ESRRG: variants seen among roughly 807,000 people sequenced by gnomAD.
ESRRG encodes the protein estrogen related receptor gamma.
Under a neutral mutation model 44.0 loss-of-function variants are expected in ESRRG, and 13 were observed. That is an observed-to-expected ratio of 0.30 (90% CI 0.19 to 0.47). The LOEUF (loss-of-function observed/expected upper bound fraction) is 0.47. Ranked by LOEUF, ESRRG falls within the 20% of genes least tolerant of loss-of-function variation. The pLI, the probability that ESRRG is intolerant of heterozygous loss-of-function variation, is 1.00. For synonymous variants in ESRRG, 215 were observed against 214.6 expected, an observed-to-expected ratio of 1.00 and a Z score of -0.02; for missense variants, 395 against 580.6, an observed-to-expected ratio of 0.68 and a Z score of 3.29.
At chr1:216,615,702 C>T (rs986219483) in intron 3 of ESRRG, among the ~76,000 whole-genome samples, 1 of 151,760 alleles carries the variant, frequency 6.6e-6, no homozygotes, top group East Asian at 2.0e-4. Context: ...GAAATACTGT[C>T]CATAAGACCA....
At chr1:216,754,251 C>G (rs183402593) in intron 2 of ESRRG, among the ~76,000 whole-genome samples, 1,889 of 152,094 alleles carry the variant, frequency 0.012, 20 homozygotes, top group Middle Eastern at 0.02. Context: ...GGGTCTAAAC[C>G]CTGGGGAATC....
At chr1:216,689,096 T>C (rs1015672942) in intron 1 of ESRRG, among the ~76,000 whole-genome samples, 1 of 152,204 alleles carries the variant, frequency 6.6e-6, no homozygotes, top group Non-Finnish European at 1.5e-5. Flanking sequence ...TCTGCAGAAC[T>C]ATAAAATTAG....
chr1:216,980,068 G>A (rs368758764), intron 1 of ESRRG, among the ~76,000 whole-genome samples: 25 of 151,964 alleles, frequency 1.6e-4, no homozygotes, highest in Non-Finnish European at 3.1e-4. Context: ...CAATTAAAAC[G>A]CTCACTTTCC....
At chr1:216,586,641 A>T (rs980658031) in intron 3 of ESRRG, among the ~76,000 whole-genome samples, 1 of 142,104 alleles carries the variant, frequency 7.0e-6, no homozygotes, top group Non-Finnish European at 1.5e-5. Flanking sequence ...CAGTGGCACC[A>T]TCTCGGCTTA....
chr1:217,032,277 C>T (rs939078118), intron 1 of ESRRG, among the ~76,000 whole-genome samples: 1 of 152,152 alleles, frequency 6.6e-6, no homozygotes, highest in Non-Finnish European at 1.5e-5. Context: ...CCATTCAGTT[C>T]TTTCATTTTA....
intron 2 of ESRRG, among the ~76,000 whole-genome samples, chr1:216,830,608 G>A (rs2095472671): frequency 2.0e-5 from 3 of 152,230 alleles, no homozygotes; most frequent in Admixed American, 2.0e-4. Context: ...CAGGTTGTAA[G>A]ATGCAGGATC....
At chr1:217,065,973 T>C (rs1558172478) in intron 1 of ESRRG, among the ~76,000 whole-genome samples, 1 of 152,172 alleles carries the variant, frequency 6.6e-6, no homozygotes, top group Non-Finnish European at 1.5e-5. Flanking sequence ...TATTCCTACA[T>C]ACTCCAAGAC....
intron 3 of ESRRG, among the ~76,000 whole-genome samples, chr1:216,648,958 A>G (rs951136023): frequency 1.3e-5 from 2 of 152,148 alleles, no homozygotes; most frequent in Non-Finnish European, 2.9e-5. Context: ...TTGACTGTCA[A>G]TCACTGATCA....
At chr1:216,638,025 A>G (rs1405205447) in intron 3 of ESRRG, among the ~76,000 whole-genome samples, 1 of 152,200 alleles carries the variant, frequency 6.6e-6, no homozygotes, top group Non-Finnish European at 1.5e-5. Context: ...AAAAAAAGTC[A>G]TATTTTATTG....
At chr1:216,811,538 G>T (rs1038872279) in intron 2 of ESRRG, among the ~76,000 whole-genome samples, 1 of 152,106 alleles carries the variant, frequency 6.6e-6, no homozygotes, top group African/African-American at 2.4e-5. Flanking sequence ...TGAAGAAGAC[G>T]GATGACAATC....
chr1:217,077,650 T>C (rs1216476304), intron 1 of ESRRG, among the ~76,000 whole-genome samples: 1 of 152,174 alleles, frequency 6.6e-6, no homozygotes, highest in Non-Finnish European at 1.5e-5. Flanking sequence ...CAGACAGCAC[T>C]GGGTAGGATT....
chr1:216,608,045 T>C (rs891540249), intron 3 of ESRRG, among the ~76,000 whole-genome samples: 2 of 152,234 alleles, frequency 1.3e-5, no homozygotes, highest in African/African-American at 4.8e-5. Context: ...ATGGACTTCA[T>C]AGTAATCATT....
rs116683892 is a variant in ESRRG at position 216,598,383 on chromosome 1, C to A, written c.590-30285G>T. Among the ~76,000 whole-genome samples the A allele has an allele frequency of 1.3e-3, 196 of 152,240 alleles. 1 individual carries two copies. The highest frequency in any genetic ancestry group is 4.5e-3 in the African/African-American group (187 of 41,544). On this transcript the variant is annotated intron_variant, in intron 3 of 6. Coordinates refer to ENST00000408911, the MANE Select transcript of ESRRG (RefSeq NM_001438.4). ...CATTTGTGGGAGTGCCAATAAAAAT[C>A]TCTTGAACTGCATTAATGGGAACTT...
intron 2 of ESRRG, among the ~76,000 whole-genome samples, chr1:216,824,229 T>C (rs1401161228): frequency 2.6e-5 from 4 of 152,106 alleles, no homozygotes; most frequent in African/African-American, 9.7e-5. Flanking sequence ...GGCAGATCAT[T>C]TGAGGTCAGG....
rs115135079 is a variant in ESRRG, at chr1:216,861,679, T to A, written c.-14+77903A>T. On this transcript the variant is annotated intron_variant, in intron 2 of 7. Coordinates refer to the ESRRG transcript ENST00000359162. Reference sequence around the variant, plus strand: ...GTACAATATGAAAAGCATAACCCATTAAATATCAAATTGATAGACTTCATA... The same window carrying A: ...GTACAATATGAAAAGCATAACCCATAAAATATCAAATTGATAGACTTCATA... 9.6e-3 allele frequency among the ~76,000 whole-genome samples: 1,459 copies of A among 152,186 alleles called. 18 individuals are homozygous for A. Among genetic ancestry groups the A allele is most frequent in the African/African-American group, 0.033 (1,373 of 41,568 alleles).
intron 1 of ESRRG, among the ~76,000 whole-genome samples, chr1:216,947,766 A>T (rs2066291585): frequency 6.6e-6 from 1 of 152,176 alleles, no homozygotes; most frequent in Non-Finnish European, 1.5e-5. Flanking sequence ...TTAGCCATGG[A>T]AACTAACCAG....
At chr1:216,948,349 C>A (rs189505399) in intron 1 of ESRRG, among the ~76,000 whole-genome samples, 8 of 151,136 alleles carry the variant, frequency 5.3e-5, no homozygotes, top group Admixed American at 4.6e-4. Flanking sequence ...TGGTGGTGCA[C>A]GCCTGTAATC....
chr1:216,925,492 C>T (rs1012539449), intron 2 of ESRRG, among the ~76,000 whole-genome samples: 3 of 152,104 alleles, frequency 2.0e-5, no homozygotes, highest in African/African-American at 7.2e-5. Context: ...GAGACAGCAG[C>T]GGTTCCCGGA....
chr1:216,817,755 C>G (rs185743584), intron 2 of ESRRG, among the ~76,000 whole-genome samples: 2 of 152,210 alleles, frequency 1.3e-5, no homozygotes, highest in African/African-American at 4.8e-5. Context: ...TGCAACAGCA[C>G]GCAAATCATA....
Sources: allele counts gnomAD v4.1 joint callset (sites outside exome capture counted in the v4.1 genomes callset), GRCh38; gene constraint gnomAD v4.1.1; transcripts MANE v1.5; gene names NCBI Gene and HGNC (gene_info 2026-07-23, HGNC 2026-07-21).